Variants in MCTP1 observed in about 807,000 individuals in gnomAD.
MCTP1 encodes multiple C2 and transmembrane domain-containing protein 1.
A neutral mutation model predicts 120.6 loss-of-function variants in MCTP1; 69 were observed. That is an observed-to-expected ratio of 0.57 (90% CI 0.47 to 0.70). The LOEUF (loss-of-function observed/expected upper bound fraction) is 0.70. MCTP1 is among the 30% of genes least tolerant of loss of function. The probability of loss-of-function intolerance (pLI) is 0.00; values close to 1 mark genes in which losing one functional copy is unlikely to be tolerated. For synonymous variants in MCTP1, 529 were observed against 493.1 expected, an observed-to-expected ratio of 1.07 and a Z score of -0.96; for missense variants, 1,203 against 1,248.8, an observed-to-expected ratio of 0.96 and a Z score of 0.55.
intron 17 of MCTP1, among the ~76,000 whole-genome samples, chr5:94,848,256 A>T (rs952867982): frequency 6.6e-6 from 1 of 152,176 alleles, no homozygotes; most frequent in Non-Finnish European, 1.5e-5. Context: ...CAAATGTGTA[A>T]CATTAAGAAA....
chr5:95,120,917 T>C (rs1445513417), intron 1 of MCTP1, among the ~76,000 whole-genome samples: 3 of 152,128 alleles, frequency 2.0e-5, no homozygotes, highest in Non-Finnish European at 2.9e-5. Context: ...GATGATATGA[T>C]CTTAAATTTG....
In MCTP1 at chr5:94,826,193, C is replaced by T. The variant is rs542919282; in HGVS notation, c.2437-27061G>A. 3 of 405,170 alleles carry T rather than the reference C, an allele frequency of 7.4e-6. No homozygotes were observed. The East Asian group carries it at 1.6e-4, about 22-fold the overall frequency. The allele number at this position is 405,170 out of a possible 1,614,324, so 25.1% of individuals were successfully genotyped here. ...TCGAGCAATCAAAGCATTATCTGTC[C>T]AAGCAATTTGCTTCTTATTGATTTT... On this transcript the variant is annotated intron_variant, in intron 17 of 22. Transcript: ENST00000515393.
chr5:94,768,745 T>C (rs1479571298), intron 19 of MCTP1, among the ~76,000 whole-genome samples: 2 of 152,044 alleles, frequency 1.3e-5, no homozygotes, highest in African/African-American at 4.8e-5. Context: ...ATGGATGTAG[T>C]CAAAGATGCA....
intron 1 of MCTP1, among the ~76,000 whole-genome samples, chr5:95,062,810 GT>G (rs5869670): frequency 0.92 from 140,360 of 151,870 alleles, 65,901 homozygotes; most frequent in East Asian, 1. Flanking sequence ...TTGTTTTTTT[GT>G]TTTTTTTGTT....
intron 19 of MCTP1, among the ~76,000 whole-genome samples, chr5:94,761,595 G>A: frequency 6.6e-6 from 1 of 152,150 alleles, no homozygotes; most frequent in Admixed American, 6.5e-5. Flanking sequence ...AGAGACTCTT[G>A]GGAGGCAATA....
chr5:94,960,866 A>G (rs1434161042), intron 2 of MCTP1, among the ~76,000 whole-genome samples: 2 of 152,202 alleles, frequency 1.3e-5, no homozygotes, highest in Admixed American at 6.5e-5. Flanking sequence ...CTGTGTGGCA[A>G]TTCCTCAAGA....
chr5:94,845,511 A>G (rs1792123791), intron 17 of MCTP1, among the ~76,000 whole-genome samples: 1 of 147,484 alleles, frequency 6.8e-6, no homozygotes, highest in South Asian at 2.3e-4. Context: ...CAGATTAAAA[A>G]GTGGGCAAAG....
intron 1 of MCTP1, among the ~76,000 whole-genome samples, chr5:95,205,851 CTAACA>C (rs1390990305): frequency 1.3e-5 from 2 of 152,046 alleles, no homozygotes; most frequent in African/African-American, 4.8e-5. Flanking sequence ...TTCACACTCA[CTAACA>C]TAACTACAAT....
chr5:94,898,465 T>A (rs1471436993), intron 10 of MCTP1, among the ~76,000 whole-genome samples: 1 of 152,234 alleles, frequency 6.6e-6, no homozygotes, highest in East Asian at 1.9e-4. Context: ...CTCATAACTT[T>A]TGAACAAATA....
At chr5:94,770,650 A>C (rs1178929489) in intron 19 of MCTP1, among the ~76,000 whole-genome samples, 1 of 152,244 alleles carries the variant, frequency 6.6e-6, no homozygotes, top group Non-Finnish European at 1.5e-5. Context: ...TGCAAAGTGG[A>C]ACAAGGTGTA....
chr5:95,280,476 T>G (rs1267543481), intron 1 of MCTP1, among the ~76,000 whole-genome samples: 3 of 152,344 alleles, frequency 2.0e-5, no homozygotes, highest in Middle Eastern at 3.4e-3. Flanking sequence ...TTTCTGATCC[T>G]AGCAAAACAT....
intron 1 of MCTP1, among the ~76,000 whole-genome samples, chr5:95,256,212 A>T (rs1302198507): frequency 6.6e-6 from 1 of 152,220 alleles, no homozygotes; most frequent in Non-Finnish European, 1.5e-5. Context: ...AAATGAAAAA[A>T]AGAATAAGGA....
intron 1 of MCTP1, among the ~76,000 whole-genome samples, chr5:95,058,761 A>G (rs1032495175): frequency 2.0e-5 from 3 of 152,138 alleles, no homozygotes; most frequent in Admixed American, 2.0e-4. Context: ...TACACAGGAC[A>G]ATTTTTTCCT....
chr5:94,851,880 T>C (rs940662341), intron 17 of MCTP1, among the ~76,000 whole-genome samples: 2 of 151,948 alleles, frequency 1.3e-5, no homozygotes, highest in Admixed American at 6.6e-5. Flanking sequence ...AGTGAAGGTA[T>C]TAACCTACAG....
intron 1 of MCTP1, among the ~76,000 whole-genome samples, chr5:95,041,701 T>C (rs569439280): frequency 3.3e-5 from 5 of 152,158 alleles, no homozygotes; most frequent in Non-Finnish European, 7.3e-5. Flanking sequence ...AATTAGTAAA[T>C]AGAATATAGT....
At chr5:94,920,697 G>A (rs370662206) in intron 7 of MCTP1, among the ~76,000 whole-genome samples, 3 of 151,474 alleles carry the variant, frequency 2.0e-5, no homozygotes, top group Non-Finnish European at 2.9e-5. Context: ...AGCCAAGACC[G>A]CGCCACTGCA....
intron 19 of MCTP1, among the ~76,000 whole-genome samples, chr5:94,722,002 C>G (rs1761034996): frequency 6.6e-6 from 1 of 151,972 alleles, no homozygotes; most frequent in South Asian, 2.1e-4. Flanking sequence ...AGCTCTCTTA[C>G]TAGGTTTTAA....
chr5:94,871,235 G>T, intron 14 of MCTP1, 80 bp downstream of exon 14: 1 of 911,080 alleles, frequency 1.1e-6, no homozygotes, highest in Non-Finnish European at 1.8e-6. Flanking sequence ...CAGACACAGA[G>T]CTGAGAGTTT....
chr5:94,936,617 G>T (rs2153492202), intron 5 of MCTP1, among the ~76,000 whole-genome samples: 1 of 152,150 alleles, frequency 6.6e-6, no homozygotes, highest in South Asian at 2.1e-4. Context: ...TAAGTATTTT[G>T]TTTTATACAG....
Sources: gnomAD v4.1 joint callset for allele counts (sites outside exome capture counted in the v4.1 genomes callset) on GRCh38, gnomAD v4.1.1 for gene constraint, MANE v1.5 for transcripts, NCBI Gene and HGNC (gene_info 2026-07-23, HGNC 2026-07-21) for gene names.